DIAPH2: variants seen among roughly 807,000 people sequenced by gnomAD.
DIAPH2 encodes diaphanous related formin 2, also known as protein diaphanous homolog 2.
Under a neutral mutation model 92.7 loss-of-function variants are expected in DIAPH2, and 35 were observed. The observed-to-expected ratio is 0.38, with a 90% CI of 0.29 to 0.50. The LOEUF is 0.50. Ranked by LOEUF, DIAPH2 falls within the 20% of genes least tolerant of loss-of-function variation. DIAPH2 has a pLI of 0.94. For missense variants in DIAPH2, 701 were observed against 819.5 expected (o/e 0.86, Z 1.77); for synonymous variants, 301 against 280.4 (o/e 1.07, Z -0.73).
chrX:96,761,694 T>C (rs906092446), intron 4 of DIAPH2, among the ~76,000 whole-genome samples: 4 of 111,521 alleles, frequency 3.6e-5, no homozygotes, highest in African/African-American at 1.3e-4. Flanking sequence ...TCTGGTTGTT[T>C]CACTGAGTAT....
At chrX:96,904,374 A>G (rs2065418876) in intron 5 of DIAPH2, among the ~76,000 whole-genome samples, 1 of 112,085 alleles carries the variant, frequency 8.9e-6, no homozygotes, top group Non-Finnish European at 1.9e-5. Context: ...TTAATCTACT[A>G]TGATGAATAG....
At chrX:97,459,522 G>A (rs1011883889) in intron 26 of DIAPH2, among the ~76,000 whole-genome samples, 38 of 112,172 alleles carry the variant, frequency 3.4e-4, no homozygotes, top group Non-Finnish European at 3.2e-4. Context: ...CCCTCTGGGA[G>A]CACTTCCTTG....
intron 21 of DIAPH2, among the ~76,000 whole-genome samples, chrX:97,124,612 C>G (rs772993676): frequency 8.9e-6 from 1 of 112,136 alleles, no homozygotes; most frequent in African/African-American, 3.2e-5. Context: ...TCAATACTGA[C>G]TGCTTTGGAG....
rs192348011 is a variant in DIAPH2 at position 96,821,999 on chromosome X, T to G, written c.448-59580T>G. 4.1e-3 allele frequency among the ~76,000 whole-genome samples: 461 copies of G among 111,996 alleles called. 2 individuals are homozygous for G. The highest frequency in any genetic ancestry group is 6.7e-3 in the Non-Finnish European group (358 of 53,177). On this transcript the variant is annotated intron_variant, in intron 4 of 26. Coordinates refer to ENST00000324765, the MANE Select transcript of DIAPH2 (RefSeq NM_006729.5). ...AAAATTCCATATGTCTGCTTCAGAT[T>G]TGCCTGCTGAATACATTGTTGTGGC...
chrX:97,531,015 T>C (rs1226751154), intron 26 of DIAPH2, among the ~76,000 whole-genome samples: 1 of 110,887 alleles, frequency 9.0e-6, no homozygotes, highest in Non-Finnish European at 1.9e-5. Context: ...GCCATGATGG[T>C]GATAAGGTCA....
At chrX:97,593,395 G>GA (rs969477620) in intron 26 of DIAPH2, among the ~76,000 whole-genome samples, 2 of 106,103 alleles carry the variant, frequency 1.9e-5, no homozygotes, top group Non-Finnish European at 2.0e-5. Flanking sequence ...CTCTTTGTAA[G>GA]AAAAAAAAGA....
At chrX:96,814,827 A>G (rs1358687022) in intron 4 of DIAPH2, among the ~76,000 whole-genome samples, 1 of 111,584 alleles carries the variant, frequency 9.0e-6, no homozygotes, top group Non-Finnish European at 1.9e-5. Context: ...GGTCCACTGC[A>G]CACCCTGTTT....
intron 17 of DIAPH2, among the ~76,000 whole-genome samples, chrX:97,068,900 GT>G (rs746758317): frequency 2.1e-4 from 23 of 111,809 alleles, no homozygotes; most frequent in African/African-American, 7.5e-4. Context: ...AATTTTCAGT[GT>G]GTTTGTTGAC....
At chrX:97,446,527 A>G (rs980665850) in intron 26 of DIAPH2, among the ~76,000 whole-genome samples, 14 of 112,009 alleles carry the variant, frequency 1.2e-4, no homozygotes, top group Non-Finnish European at 2.4e-4. Flanking sequence ...CTTTCCTTAT[A>G]ACCTAATTGA....
At chrX:96,845,253 A>G (rs929657433) in intron 4 of DIAPH2, among the ~76,000 whole-genome samples, 3 of 111,877 alleles carry the variant, frequency 2.7e-5, no homozygotes, top group African/African-American at 9.7e-5. Context: ...CATATTGTTT[A>G]CTAGTTCATG....
At chrX:96,729,200 T>G (rs2064039578) in intron 1 of DIAPH2, among the ~76,000 whole-genome samples, 1 of 112,042 alleles carries the variant, frequency 8.9e-6, no homozygotes, top group Non-Finnish European at 1.9e-5. Flanking sequence ...TGCATTTGTC[T>G]CTGTGAGCAG....
At chrX:97,386,808 ATTATAC>A (rs1394379358) in intron 25 of DIAPH2, among the ~76,000 whole-genome samples, 3 of 101,428 alleles carry the variant, frequency 3.0e-5, no homozygotes, top group Non-Finnish European at 6.0e-5. Flanking sequence ...TTTTTTTTTA[ATTATAC>A]TTTAAGTTCT....
At chrX:96,780,057 G>C (rs761323384) in intron 4 of DIAPH2, among the ~76,000 whole-genome samples, 1 of 112,286 alleles carries the variant, frequency 8.9e-6, no homozygotes, top group African/African-American at 3.2e-5. Flanking sequence ...AAGACTGCAA[G>C]AGATGCTATT....
intron 23 of DIAPH2, among the ~76,000 whole-genome samples, chrX:97,282,967 A>G (rs887761752): frequency 1.8e-5 from 2 of 111,358 alleles, no homozygotes; most frequent in Non-Finnish European, 3.8e-5. Context: ...CCACTGGGAC[A>G]TTAGGATGTC....
At chrX:97,364,757 G>GTGTTTTTTTTT (rs1556035572) in intron 24 of DIAPH2, among the ~76,000 whole-genome samples, 28 of 67,500 alleles carry the variant, frequency 4.1e-4, no homozygotes, top group African/African-American at 1.7e-3. Context: ...ATGTCTCCTG[G>GTGTTTTTTTTT]TGTTTTTTTT....
At chrX:97,042,088 T>G (rs1299217788) in intron 17 of DIAPH2, among the ~76,000 whole-genome samples, 1 of 111,960 alleles carries the variant, frequency 8.9e-6, no homozygotes, top group Non-Finnish European at 1.9e-5. Flanking sequence ...GTCATTATAA[T>G]AATACTTTTT....
chrX:97,017,957 T>A (rs1054483910), intron 17 of DIAPH2, among the ~76,000 whole-genome samples: 1 of 112,542 alleles, frequency 8.9e-6, no homozygotes, highest in Non-Finnish European at 1.9e-5. Flanking sequence ...CACATAAATA[T>A]AGCAGGATCT....
chrX:97,216,054 G>A (rs1484799099), intron 22 of DIAPH2, among the ~76,000 whole-genome samples: 3 of 111,822 alleles, frequency 2.7e-5, no homozygotes, highest in Non-Finnish European at 5.6e-5. Flanking sequence ...ACTAACAGCC[G>A]ATGTATCAGT....
At chrX:96,846,770 T>TG (rs2064975542) in intron 4 of DIAPH2, among the ~76,000 whole-genome samples, 1 of 110,426 alleles carries the variant, frequency 9.1e-6, no homozygotes, top group South Asian at 3.8e-4. Flanking sequence ...AAATAGTTTT[T>TG]TTTTTTTTTT....
Sources: allele counts gnomAD v4.1 joint callset (sites outside exome capture counted in the v4.1 genomes callset), GRCh38; gene constraint gnomAD v4.1.1; transcripts MANE v1.5; gene names NCBI Gene and HGNC (gene_info 2026-07-23, HGNC 2026-07-21).